DNAH11: variants seen among roughly 807,000 people sequenced by gnomAD.
DNAH11 encodes the protein dynein axonemal heavy chain 11.
Under a neutral mutation model 526.0 loss-of-function variants are expected in DNAH11, and 442 were observed. The observed-to-expected ratio is 0.84, with a 90% CI of 0.78 to 0.91. The LOEUF (loss-of-function observed/expected upper bound fraction) is 0.91. Among genes scored for constraint, DNAH11 ranks in the 40% least tolerant of loss-of-function variants. The pLI, the probability that DNAH11 is intolerant of heterozygous loss-of-function variation, is 0.00. For missense variants in DNAH11, 6,989 were observed against 5,448.7 expected, an observed-to-expected ratio of 1.28 and a Z score of -8.90; for synonymous variants, 2,461 against 1,935.9, an observed-to-expected ratio of 1.27 and a Z score of -7.12.
chr7:21,548,091 C>G (rs910315748), intron 2 of DNAH11, among the ~76,000 whole-genome samples: 2 of 144,766 alleles, frequency 1.4e-5, no homozygotes, highest in African/African-American at 5.2e-5. Context: ...ACCTTCTACC[C>G]AACCCATTAA....
chr7:21,656,485 C>T (rs1229264734), intron 29 of DNAH11, among the ~76,000 whole-genome samples: 1 of 152,144 alleles, frequency 6.6e-6, no homozygotes, highest in Admixed American at 6.5e-5. Context: ...CTCTAATTAC[C>T]ATGTGCACAG....
In DNAH11 at chr7:21,590,991, C is replaced by T. The variant is rs372819257; in HGVS notation, c.2243C>T (p.Ala748Val). ...CAAGACATACCAGATTCAGCTTTAG[C>T]CATCTTCAAGAAAAGGAACACTATT... Reference protein sequence around the residue: ...KKQDIPDSALAIFKKRNTILK... With the variant: ...KKQDIPDSALVIFKKRNTILK... The change falls in exon 13 of 82, where the codon GCC becomes GTC. Residue 748 changes from alanine to valine, a missense_variant. Transcript: ENST00000409508. 15 of 1,516,452 alleles carry T rather than the reference C, an allele frequency of 9.9e-6. No individual in the cohort carries two copies. The African/African-American group carries it at 2.0e-4, about 20-fold the overall frequency. The allele number at this position is 1,516,452 out of a possible 1,614,324, so 93.9% of individuals were successfully genotyped here. A position where few individuals can be genotyped will look rare whatever the true frequency, so the allele number is the denominator to read the frequency against.
At chr7:21,875,884 T>TC (rs1490825601) in intron 74 of DNAH11, among the ~76,000 whole-genome samples, 11 of 140,026 alleles carry the variant, frequency 7.9e-5, no homozygotes, top group African/African-American at 3.0e-4. Context: ...TTTCTTTTTT[T>TC]TTTTTTTTTT....
At chr7:21,615,905 T>G (rs1255896560) in intron 21 of DNAH11, among the ~76,000 whole-genome samples, 1 of 152,180 alleles carries the variant, frequency 6.6e-6, no homozygotes, top group Non-Finnish European at 1.5e-5. Context: ...GTCTGTTATT[T>G]AATAATCTAC....
rs1787542507 is a variant in DNAH11 at position 21,773,804 on chromosome 7, T to C, written c.9141T>C (p.His3047=). The change falls in exon 56 of 82, where the codon CAT becomes CAC. Residue 3047 remains histidine, a synonymous_variant. Coordinates refer to ENST00000409508, the MANE Select transcript of DNAH11 (RefSeq NM_001277115.2). ...HKDSISLFMA[H]VHTTVNEMST... ...ACTCTATTAGCCTTTTCATGGCACA[T>C]GTTCACACCACTGTAAATGAAATGA... is the stretch of plus-strand genomic sequence containing the variant. The C allele has an allele frequency of 6.2e-7, 1 of 1,606,448 alleles. No homozygotes were observed. Among genetic ancestry groups the C allele is most frequent in the Middle Eastern group, 1.7e-4 (1 of 6,044 alleles).
chr7:21,643,296 C>T (rs73072280), intron 28 of DNAH11, among the ~76,000 whole-genome samples: 17,267 of 152,142 alleles, frequency 0.11, 1,006 homozygotes, highest in South Asian at 0.19. Flanking sequence ...TATATACTAC[C>T]TTAAAATAAC....
intron 54 of DNAH11, among the ~76,000 whole-genome samples, chr7:21,758,162 C>T (rs1331981532): frequency 6.6e-6 from 1 of 152,176 alleles, no homozygotes; most frequent in Non-Finnish European, 1.5e-5. Flanking sequence ...CTCTATGCTG[C>T]CAACTGTGTT....
intron 62 of DNAH11, 104 bp downstream of exon 62, chr7:21,801,379 A>T: frequency 1.4e-6 from 2 of 1,437,212 alleles, no homozygotes; most frequent in South Asian, 2.7e-5. Flanking sequence ...GGAATTAACA[A>T]CAAAGGATAA....
chr7:21,746,564 C>T (rs935794871), intron 51 of DNAH11, among the ~76,000 whole-genome samples: 3 of 152,104 alleles, frequency 2.0e-5, no homozygotes, highest in African/African-American at 7.2e-5. Flanking sequence ...GATTATGCCA[C>T]TGCACTCTAG....
chr7:21,809,152 A>C (rs531814137), intron 63 of DNAH11, among the ~76,000 whole-genome samples: 15 of 152,182 alleles, frequency 9.9e-5, no homozygotes, highest in South Asian at 2.1e-4. Flanking sequence ...GCATTTTTTC[A>C]TGTTACCTAT....
At chr7:21,630,594 C>G (rs1380137066) in intron 25 of DNAH11, among the ~76,000 whole-genome samples, 1 of 152,168 alleles carries the variant, frequency 6.6e-6, no homozygotes, top group Admixed American at 6.5e-5. Flanking sequence ...ACACAGTATT[C>G]TTGGTTAGTA....
At chr7:21,761,490 A>G (rs1023133955) in intron 54 of DNAH11, among the ~76,000 whole-genome samples, 2 of 152,326 alleles carry the variant, frequency 1.3e-5, no homozygotes, top group East Asian at 1.9e-4. Context: ...AGAAAAGTCT[A>G]TGTTTCATTT....
rs376060595 is a variant in DNAH11 at position 21,597,096 on chromosome 7, A to T, written c.2668-2691A>T. ...GAGTGGTCTGGAGTCAGAGTTAAAG[A>T]TGGAGAGAAGAGAGGAGCAGGACCA... On this transcript the variant is annotated intron_variant, in intron 14 of 81. Transcript: ENST00000409508. Among the ~76,000 whole-genome samples the T allele has an allele frequency of 1.2e-4, 19 of 152,336 alleles. No homozygotes were observed. The South Asian group carries it at 3.9e-3, about 32-fold the overall frequency.
Position 21,588,129 on chromosome 7 carries a change from C to A in DNAH11, c.1776C>A (p.Tyr592Ter), listed in dbSNP as rs756075191. 6.2e-7 allele frequency: 1 copy of A among 1,613,196 alleles called. No individual in the cohort carries two copies. The highest frequency in any genetic ancestry group is 8.5e-7 in the Non-Finnish European group (1 of 1,179,578). ...TCATGGAAATTTTCAGCCTACATTACAGCACACTAGTGCATATGTTTAATA... is the reference window on the plus strand; with the variant it reads ...TCATGGAAATTTTCAGCCTACATTAAAGCACACTAGTGCATATGTTTAATA... Reference protein sequence around the residue: ...PVVMEIFSLHYSTLVHMFNTE... With the variant: ...PVVMEIFSLH The change falls in exon 10 of 82, where the codon TAC becomes TAA. Residue 592 changes from tyrosine to a stop codon, truncating the protein, a stop_gained. Coordinates refer to ENST00000409508, the MANE Select transcript of DNAH11 (RefSeq NM_001277115.2). LOFTEE classifies it high-confidence loss of function.
At position 21,561,060 on chromosome 7, in the gene DNAH11, C is replaced by A. The variant is rs1282680389; in HGVS notation, c.883-11C>A. On this transcript the variant is annotated splice_polypyrimidine_tract_variant and intron_variant, in intron 4 of 81. Transcript: ENST00000409508. ...ATTTATTAAAGTTCTTCTTTTTTTC[C>A]TTTAACTTAGCTTCAGGCACCTGTT... 2.6e-6 allele frequency: 4 copies of A among 1,560,520 alleles called. No homozygotes were observed. The Admixed American group carries it at 5.7e-5, about 22-fold the overall frequency.
chr7:21,746,596 C>T (rs1254538631), intron 51 of DNAH11, among the ~76,000 whole-genome samples: 2 of 152,084 alleles, frequency 1.3e-5, no homozygotes, highest in African/African-American at 2.4e-5. Context: ...GAGTGAGACC[C>T]TGTCTCTCAA....
intron 46 of DNAH11, 49 bp from the exon 47 acceptor site, chr7:21,738,652 A>G: frequency 6.7e-7 from 1 of 1,493,004 alleles, no homozygotes; most frequent in Non-Finnish European, 9.0e-7. Context: ...TGACTAAATG[A>G]ACATTTACAT....
chr7:21,688,660 C>G (rs1472009728), intron 34 of DNAH11, among the ~76,000 whole-genome samples: 1 of 152,224 alleles, frequency 6.6e-6, no homozygotes, highest in African/African-American at 2.4e-5. Context: ...CTTCCACCAA[C>G]TCCTTCTTTG....
rs72657304 is a variant in DNAH11, at chr7:21,600,912, T to C, written c.3237T>C (p.Leu1079=). 5,736 of 1,613,800 alleles carry C rather than the reference T, an allele frequency of 3.6e-3. 23 individuals are homozygous for C. The highest frequency in any genetic ancestry group is 4.4e-3 in the Admixed American group (261 of 59,990). ...NEEIPEQPPT[L]EQFKEQIDIY... ...AAATTCCCGAACAACCACCAACTCTTGAGCAATTCAAAGAACAGGCAAGGA... is the reference window on the plus strand; with the variant it reads ...AAATTCCCGAACAACCACCAACTCTCGAGCAATTCAAAGAACAGGCAAGGA... The change falls in exon 16 of 82, where the codon CTT becomes CTC. Residue 1079 remains leucine, a synonymous_variant. Coordinates refer to ENST00000409508, the MANE Select transcript of DNAH11 (RefSeq NM_001277115.2).
Sources: gnomAD v4.1 joint callset for allele counts (sites outside exome capture counted in the v4.1 genomes callset) on GRCh38, gnomAD v4.1.1 for gene constraint, MANE v1.5 for transcripts, NCBI Gene and HGNC (gene_info 2026-07-23, HGNC 2026-07-21) for gene names.